The following TRPC7 variants were observed in gnomAD, a reference collection of about 807,000 sequenced individuals.
TRPC7 encodes the protein short transient receptor potential channel 7.
A neutral mutation model predicts 90.1 loss-of-function variants in TRPC7; 42 were observed. That is an observed-to-expected ratio of 0.47 (90% CI 0.36 to 0.60). The LOEUF is 0.60. TRPC7 is among the 20% of genes least tolerant of loss of function. The pLI, the probability that TRPC7 is intolerant of heterozygous loss-of-function variation, is 0.00. For synonymous variants in TRPC7, 451 were observed against 436.3 expected (o/e 1.03, Z -0.42); for missense variants, 955 against 1,112.3 (o/e 0.86, Z 2.01).
Position 136,285,875 on chromosome 5 carries a change from C to T in TRPC7, c.964-11038G>A, listed in dbSNP as rs187072122. 7.2e-4 allele frequency among the ~76,000 whole-genome samples: 110 copies of T among 152,336 alleles called. 1 individual carries two copies. The highest frequency in any genetic ancestry group is 6.4e-3 in the Admixed American group (98 of 15,298). ...TATTCCTGAAATGCACCAAGGCCTT[C>T]CTTGACAACCCTGCCCAAAGTAGAA... On this transcript the variant is annotated intron_variant, in intron 3 of 11. Transcript: ENST00000513104.
chr5:136,227,269 G>A (rs1199108219), intron 8 of TRPC7, among the ~76,000 whole-genome samples: 3 of 152,228 alleles, frequency 2.0e-5, no homozygotes, highest in African/African-American at 7.2e-5. Flanking sequence ...GACCAGGAAA[G>A]AGGCATGGGG....
chr5:136,266,416 G>A lies in TRPC7; in HGVS notation c.1149C>T (p.Ser383=), dbSNP rs773363161. Residue 383 remains serine, a synonymous_variant, in exon 5 of 12, where the codon AGC becomes AGT. Transcript: ENST00000513104. ...CATGAGCTACAAACTTCATGAAAGG[G>A]CTCCTCAGGGTTCGTCCTAGCTGGA... The part of the protein sequence containing the change: ...PCSKLGRTLR[S]PFMKFVAHAV... 12 of 1,613,536 alleles carry A rather than the reference G, an allele frequency of 7.4e-6. No homozygotes were observed. The highest frequency in any genetic ancestry group is 4.0e-5 in the African/African-American group (3 of 74,912).
intron 4 of TRPC7, among the ~76,000 whole-genome samples, chr5:136,272,821 C>G (rs1757248242): frequency 6.6e-6 from 1 of 152,134 alleles, no homozygotes; most frequent in Non-Finnish European, 1.5e-5. Context: ...GGTCTGACCC[C>G]TACATCCCAG....
chr5:136,307,559 A>T (rs754441973), intron 3 of TRPC7, among the ~76,000 whole-genome samples: 15 of 152,242 alleles, frequency 9.9e-5, no homozygotes, highest in Non-Finnish European at 1.8e-4. Flanking sequence ...TTAAGAGGTT[A>T]TAGCCTGGAT....
At chr5:136,239,018 G>A (rs1756076476) in intron 7 of TRPC7, among the ~76,000 whole-genome samples, 1 of 152,126 alleles carries the variant, frequency 6.6e-6, no homozygotes, top group South Asian at 2.1e-4. Flanking sequence ...CTCTGAGCCT[G>A]ACTTGAGCCC....
chr5:136,356,851 G>A lies in TRPC7; in HGVS notation c.537C>T (p.Ile179=), dbSNP rs368538016. The A allele has an allele frequency of 1.9e-3, 3,055 of 1,613,902 alleles. 6 individuals are homozygous for A. The highest frequency in any genetic ancestry group is 2.4e-3 in the Non-Finnish European group (2,852 of 1,179,918). ...ILAAHCQEYE[I]VHILLLKGAR... is the part of the protein sequence containing the mutation. ...CGCCCTTGAGCAGCAGGATGTGCAC[G>A]ATCTCATACTCCTGGCAGTGCGCCG... The change falls in exon 2 of 12, where the codon ATC becomes ATT. Residue 179 remains isoleucine, a synonymous_variant. Coordinates refer to ENST00000513104, the MANE Select transcript of TRPC7 (RefSeq NM_020389.3).
intron 3 of TRPC7, among the ~76,000 whole-genome samples, chr5:136,301,637 T>A (rs1758392607): frequency 6.6e-6 from 1 of 152,152 alleles, no homozygotes; most frequent in African/African-American, 2.4e-5. Context: ...AGAATGTACT[T>A]TGTGAGATCC....
chr5:136,346,842 G>T (rs344822), intron 2 of TRPC7, among the ~76,000 whole-genome samples: 2 of 152,028 alleles, frequency 1.3e-5, no homozygotes, highest in African/African-American at 4.8e-5. Context: ...ATAGCACCCC[G>T]CAGCCCAATG....
chr5:136,224,619 C>G (rs1755568605), intron 10 of TRPC7, among the ~76,000 whole-genome samples: 1 of 152,202 alleles, frequency 6.6e-6, no homozygotes, highest in Admixed American at 6.5e-5. Flanking sequence ...CTGTCACATC[C>G]TCCTCACTGG....
chr5:136,353,420 T>C (rs1246594196), intron 2 of TRPC7, among the ~76,000 whole-genome samples: 1 of 152,158 alleles, frequency 6.6e-6, no homozygotes, highest in Admixed American at 6.5e-5. Context: ...AATCTGATAG[T>C]TTTTTACACA....
chr5:136,294,997 A>G (rs1023894714), intron 3 of TRPC7, among the ~76,000 whole-genome samples: 11 of 152,234 alleles, frequency 7.2e-5, no homozygotes, highest in African/African-American at 2.7e-4. Flanking sequence ...AGGGACATGG[A>G]TGAAGCTGGA....
intron 4 of TRPC7, among the ~76,000 whole-genome samples, chr5:136,271,002 C>T (rs1345208830): frequency 6.6e-6 from 1 of 152,140 alleles, no homozygotes; most frequent in Non-Finnish European, 1.5e-5. Flanking sequence ...GAGGTGCTCT[C>T]CTCTCCTGGT....
At chr5:136,306,230 C>G (rs993491061) in intron 3 of TRPC7, among the ~76,000 whole-genome samples, 3 of 152,178 alleles carry the variant, frequency 2.0e-5, no homozygotes, top group Admixed American at 6.5e-5. Context: ...TGCTGAATCT[C>G]CTTAGGCACT....
intron 2 of TRPC7, among the ~76,000 whole-genome samples, chr5:136,345,509 C>T (rs552272228): frequency 1.1e-3 from 166 of 152,030 alleles, no homozygotes; most frequent in African/African-American, 3.9e-3. Context: ...TGCAGTGAGC[C>T]GAGATCAAGC....
chr5:136,291,694 G>A (rs1484578828), intron 3 of TRPC7, among the ~76,000 whole-genome samples: 1 of 152,128 alleles, frequency 6.6e-6, no homozygotes, highest in Non-Finnish European at 1.5e-5. Context: ...ATAACAATGG[G>A]AGACTTTAAC....
At chr5:136,334,594 G>A (rs997193658) in intron 2 of TRPC7, among the ~76,000 whole-genome samples, 1 of 152,134 alleles carries the variant, frequency 6.6e-6, no homozygotes, top group Non-Finnish European at 1.5e-5. Flanking sequence ...GTATCCCTGA[G>A]GAAATCCACT....
At chr5:136,269,725 T>A (rs1242663771) in intron 4 of TRPC7, among the ~76,000 whole-genome samples, 3 of 152,198 alleles carry the variant, frequency 2.0e-5, no homozygotes, top group African/African-American at 4.8e-5. Flanking sequence ...GATTCTCAAA[T>A]GTTAGCGAGA....
chr5:136,289,887 C>T (rs565034055), intron 3 of TRPC7, among the ~76,000 whole-genome samples: 141 of 152,290 alleles, frequency 9.3e-4, no homozygotes, highest in Admixed American at 2.4e-3. Context: ...CTGGGAGGCA[C>T]CCCCCAGTAG....
intron 3 of TRPC7, 74 bp downstream of exon 3, chr5:136,315,523 T>G: frequency 6.6e-7 from 1 of 1,518,224 alleles, no homozygotes. Flanking sequence ...AAAATAGACA[T>G]GAGCAAAAAG....
Sources: gnomAD v4.1 joint callset for allele counts (sites outside exome capture counted in the v4.1 genomes callset) on GRCh38, gnomAD v4.1.1 for gene constraint, MANE v1.5 for transcripts, NCBI Gene and HGNC (gene_info 2026-07-23, HGNC 2026-07-21) for gene names.